ERC2: variants seen among roughly 807,000 people sequenced by gnomAD.
ERC2 encodes ERC protein 2.
Under a neutral mutation model 114.8 loss-of-function variants are expected in ERC2, and 42 were observed. The ratio of observed to expected loss-of-function variants is 0.37; its 90% CI spans 0.29 to 0.47. ERC2 has a LOEUF of 0.47. ERC2 is among the 20% of genes least tolerant of loss of function. The pLI, the probability that ERC2 is intolerant of heterozygous loss-of-function variation, is 0.99. For missense variants in ERC2, 939 were observed against 1,150.7 expected (o/e 0.82, Z 2.66); for synonymous variants, 454 against 425.5 (o/e 1.07, Z -0.82).
intron 17 of ERC2, among the ~76,000 whole-genome samples, chr3:55,570,368 G>T (rs939687033): frequency 2.0e-5 from 3 of 152,184 alleles, no homozygotes; most frequent in African/African-American, 4.8e-5. Flanking sequence ...ACGGTAGGAA[G>T]TTCGGCCAGA....
chr3:55,990,995 C>T (rs7635508), intron 11 of ERC2, among the ~76,000 whole-genome samples: 143,291 of 152,214 alleles, frequency 0.94, 67,681 homozygotes, highest in East Asian at 1. Flanking sequence ...CTCAGGGGGC[C>T]GAGGCAGAAG....
At chr3:56,037,434 C>G (rs376291135) in intron 7 of ERC2, among the ~76,000 whole-genome samples, 4 of 151,886 alleles carry the variant, frequency 2.6e-5, no homozygotes, top group Non-Finnish European at 4.4e-5. Flanking sequence ...GAAGAGACCA[C>G]GCAGAAGAAA....
At chr3:56,105,321 T>C (rs2078594666) in intron 6 of ERC2, among the ~76,000 whole-genome samples, 1 of 152,048 alleles carries the variant, frequency 6.6e-6, no homozygotes, top group Non-Finnish European at 1.5e-5. Flanking sequence ...TGGTCTTTTT[T>C]TAAGACAGGA....
intron 2 of ERC2, among the ~76,000 whole-genome samples, chr3:56,398,335 G>T (rs1298575242): frequency 6.6e-6 from 1 of 152,142 alleles, no homozygotes; most frequent in Non-Finnish European, 1.5e-5. Flanking sequence ...AAGACCGAAA[G>T]GGGTAAAGTA....
At chr3:55,523,002 C>G (rs1280227133) in intron 17 of ERC2, among the ~76,000 whole-genome samples, 1 of 152,206 alleles carries the variant, frequency 6.6e-6, no homozygotes, top group Non-Finnish European at 1.5e-5. Flanking sequence ...TATTAAATCC[C>G]AAAGTCCTGG....
At chr3:56,113,825 C>T (rs1227045182) in intron 6 of ERC2, among the ~76,000 whole-genome samples, 1 of 152,166 alleles carries the variant, frequency 6.6e-6, no homozygotes, top group African/African-American at 2.4e-5. Context: ...CAGGGGTTCC[C>T]GTAATCCCCT....
intron 3 of ERC2, among the ~76,000 whole-genome samples, chr3:56,277,922 C>T (rs139504448): frequency 4.1e-4 from 62 of 152,146 alleles, no homozygotes; most frequent in Middle Eastern, 3.4e-3. Flanking sequence ...CAGAGTAGCC[C>T]GAGGATTGGG....
intron 16 of ERC2, among the ~76,000 whole-genome samples, chr3:55,697,333 T>C (rs2062985644): frequency 6.6e-6 from 1 of 152,208 alleles, no homozygotes; most frequent in Non-Finnish European, 1.5e-5. Flanking sequence ...AGATGGTGGA[T>C]GTGAAAGTGA....
intron 14 of ERC2, among the ~76,000 whole-genome samples, chr3:55,794,438 G>A (rs1259230476): frequency 6.6e-6 from 1 of 152,066 alleles, no homozygotes; most frequent in Non-Finnish European, 1.5e-5. Flanking sequence ...TCCATTTTTA[G>A]TTGTATTAAT....
At chr3:55,894,716 C>T (rs111265509) in intron 13 of ERC2, among the ~76,000 whole-genome samples, 294 of 152,304 alleles carry the variant, frequency 1.9e-3, no homozygotes, top group African/African-American at 6.6e-3. Context: ...CTCACATGTA[C>T]GTGGCAGCTG....
chr3:56,004,289 C>T (rs970494376), intron 10 of ERC2, among the ~76,000 whole-genome samples: 2 of 152,010 alleles, frequency 1.3e-5, no homozygotes, highest in African/African-American at 4.8e-5. Flanking sequence ...TGGGTGTCTA[C>T]TTAAGATGGA....
chr3:55,691,562 AAAAAAAAAAAAATATATATAT>A (rs2062651588), intron 16 of ERC2, among the ~76,000 whole-genome samples: 3 of 71,786 alleles, frequency 4.2e-5, no homozygotes, highest in South Asian at 1.1e-3. Context: ...AAAAAAAAAA[AAAAAAAAAAAAATATATATAT>A]ATATATATAT....
chr3:55,780,304 T>C (rs1235755188), intron 14 of ERC2, among the ~76,000 whole-genome samples: 2 of 152,330 alleles, frequency 1.3e-5, no homozygotes, highest in East Asian at 3.9e-4. Flanking sequence ...AAAGATTCCA[T>C]TTCTTTTATG....
chr3:55,921,022 T>C (rs950734201), intron 13 of ERC2, among the ~76,000 whole-genome samples: 1 of 152,108 alleles, frequency 6.6e-6, no homozygotes, highest in Non-Finnish European at 1.5e-5. Flanking sequence ...CTGGTGGGAA[T>C]GCAGAAACCT....
chr3:56,219,723 C>A (rs1197495155), intron 3 of ERC2, among the ~76,000 whole-genome samples: 1 of 147,204 alleles, frequency 6.8e-6, no homozygotes, highest in Non-Finnish European at 1.5e-5. Context: ...CTCAGAGAAC[C>A]CACCAGAAAG....
intron 14 of ERC2, among the ~76,000 whole-genome samples, chr3:55,750,970 C>G (rs948713947): frequency 1.3e-5 from 2 of 152,138 alleles, no homozygotes; most frequent in South Asian, 2.1e-4. Flanking sequence ...TAATAGTTAA[C>G]ACTTGAATAG....
Position 55,589,458 on chromosome 3 carries a change from T to C in ERC2, c.*40-78182A>G, listed in dbSNP as rs145367033. ...TCTACCATGACTACACGGGGAATGT[T>C]GCCTGCTGGAGCTGTGCAGTGGACA... On this transcript the variant is annotated intron_variant, in intron 17 of 17. Coordinates refer to ENST00000288221, the MANE Select transcript of ERC2 (RefSeq NM_015576.3). Among the ~76,000 whole-genome samples, 162 of 152,254 alleles carry C rather than the reference T, an allele frequency of 1.1e-3. 1 individual carries two copies. The highest frequency in any genetic ancestry group is 3.7e-3 in the African/African-American group (155 of 41,564).
chr3:56,188,381 G>A (rs1255499977), intron 3 of ERC2, among the ~76,000 whole-genome samples: 1 of 152,108 alleles, frequency 6.6e-6, no homozygotes, highest in Non-Finnish European at 1.5e-5. Flanking sequence ...CAGCCAGAGG[G>A]CCCATTTTAG....
intron 17 of ERC2, among the ~76,000 whole-genome samples, chr3:55,663,646 G>A (rs1267259851): frequency 6.6e-6 from 1 of 152,194 alleles, no homozygotes; most frequent in Non-Finnish European, 1.5e-5. Flanking sequence ...GGAAAGGGAG[G>A]CAGAATGTGG....
Sources: allele counts gnomAD v4.1 joint callset (sites outside exome capture counted in the v4.1 genomes callset), GRCh38; gene constraint gnomAD v4.1.1; transcripts MANE v1.5; gene names NCBI Gene and HGNC (gene_info 2026-07-23, HGNC 2026-07-21).